The following TANC1 variants were observed in gnomAD, a reference collection of about 807,000 sequenced individuals.
The protein encoded by TANC1 is tetratricopeptide repeat, ankyrin repeat and coiled-coil containing 1, also known as protein TANC1.
TANC1 carries 77 observed loss-of-function variants against 149.7 expected under a neutral mutation model. That is an observed-to-expected ratio of 0.51 (90% CI 0.43 to 0.62). The LOEUF (loss-of-function observed/expected upper bound fraction) is 0.62. TANC1 is among the 20% of genes least tolerant of loss of function. TANC1 has a pLI of 0.00. For synonymous variants in TANC1, 854 were observed against 925.0 expected, an observed-to-expected ratio of 0.92 and a Z score of 1.39; for missense variants, 1,985 against 2,321.8, an observed-to-expected ratio of 0.85 and a Z score of 2.98.
chr2:159,088,080 G>A (rs1180942479), intron 3 of TANC1, among the ~76,000 whole-genome samples: 1 of 151,452 alleles, frequency 6.6e-6, no homozygotes, highest in Non-Finnish European at 1.5e-5. Flanking sequence ...GTTGGACTTG[G>A]AGCCTCCAGA....
intron 1 of TANC1, among the ~76,000 whole-genome samples, chr2:158,970,749 A>G (rs1323239464): frequency 6.6e-6 from 1 of 152,220 alleles, no homozygotes; most frequent in East Asian, 1.9e-4. Flanking sequence ...TGATTTGACA[A>G]TAAGAGATGG....
intron 12 of TANC1, among the ~76,000 whole-genome samples, 184 bp downstream of exon 12, chr2:159,175,368 A>C (rs1245851172): frequency 6.6e-6 from 1 of 152,122 alleles, no homozygotes; most frequent in African/African-American, 2.4e-5. Flanking sequence ...TCGCTCCTAC[A>C]CCACCCCTAT....
In TANC1 at chr2:159,009,171, TA is replaced by T. The variant is rs370765670; in HGVS notation, c.-16+7989del. Among the ~76,000 whole-genome samples, 1,021 of 152,056 alleles carry T rather than the reference TA, an allele frequency of 6.7e-3. 6 individuals carry two copies. Among genetic ancestry groups the T allele is most frequent in the African/African-American group, 0.023 (966 of 41,446 alleles). The stretch of plus-strand genomic sequence containing the variant: ...TGTACGTTAATTAGATGTGAGCCCA[TA>T]AAAAAATAAAAATAATTGAAAACAG... On this transcript the variant is annotated intron_variant, in intron 2 of 26. Coordinates refer to ENST00000263635, the MANE Select transcript of TANC1 (RefSeq NM_033394.3).
chr2:159,219,730 G>C lies in TANC1; in HGVS notation c.3541G>C (p.Ala1181Pro), dbSNP rs2059569564. The change falls in exon 22 of 27, where the codon GCA becomes CCA. Residue 1181 changes from alanine to proline, a missense_variant. This residue lies in a region of TANC1 where 920 missense variants were observed against 994.7 expected (regional missense o/e 0.92). Coordinates refer to ENST00000263635, the MANE Select transcript of TANC1 (RefSeq NM_033394.3). ...TTCTCTAGACAAAGAGGGTCTGTCA[G>C]CATTAAGCTGGGCTTGTCTGAAAGG... ...LSSLDKEGLS[A>P]LSWACLKGHR... 1 of 1,614,216 alleles carries C rather than the reference G, an allele frequency of 6.2e-7. No individual in the cohort carries two copies. The highest frequency in any genetic ancestry group is 8.5e-7 in the Non-Finnish European group (1 of 1,180,050).
intron 2 of TANC1, among the ~76,000 whole-genome samples, chr2:159,065,196 C>G (rs1559191740): frequency 6.6e-6 from 1 of 152,148 alleles, no homozygotes; most frequent in Non-Finnish European, 1.5e-5. Flanking sequence ...TTTACAAGCT[C>G]AGTACAACCC....
At chr2:159,169,988 T>C (rs868640137) in intron 9 of TANC1, among the ~76,000 whole-genome samples, 2 of 146,414 alleles carry the variant, frequency 1.4e-5, no homozygotes, top group African/African-American at 2.5e-5. Context: ...AGTGAAACTA[T>C]CTCAAAAAAA....
intron 2 of TANC1, among the ~76,000 whole-genome samples, chr2:159,057,066 T>A (rs563305337): frequency 6.6e-6 from 1 of 152,318 alleles, no homozygotes; most frequent in East Asian, 1.9e-4. Flanking sequence ...CAGCCTAGTT[T>A]GGATGATCAG....
chr2:159,192,806 C>T (rs1392885216), intron 16 of TANC1, among the ~76,000 whole-genome samples: 3 of 152,088 alleles, frequency 2.0e-5, no homozygotes, highest in African/African-American at 4.8e-5. Flanking sequence ...TGCGCCACCA[C>T]GCTGGCTAAT....
intron 7 of TANC1, among the ~76,000 whole-genome samples, chr2:159,152,695 G>A (rs1451515780): frequency 6.6e-6 from 1 of 152,006 alleles, no homozygotes. Context: ...TGTTACCCAG[G>A]CTGGTCTCAA....
chr2:159,047,140 G>C (rs1375238374), intron 2 of TANC1, among the ~76,000 whole-genome samples: 1 of 151,468 alleles, frequency 6.6e-6, no homozygotes, highest in East Asian at 1.9e-4. Context: ...TTTCTGCTTG[G>C]ATGACTCATA....
rs541097881 is a variant in TANC1 at position 159,034,217 on chromosome 2, C to T, written c.-15-31679C>T. Among the ~76,000 whole-genome samples, 385 of 152,340 alleles carry T rather than the reference C, an allele frequency of 2.5e-3. 1 individual carries two copies. Among genetic ancestry groups the T allele is most frequent in the Non-Finnish European group, 3.2e-3 (217 of 68,034 alleles). On this transcript the variant is annotated intron_variant, in intron 2 of 26. Transcript: ENST00000263635. The stretch of plus-strand genomic sequence containing the variant: ...TGGCCTAATCTGTCCCTCCTCCTGC[C>T]TTCTCCCTTGGGCCACACCTTGCAC...
intron 3 of TANC1, among the ~76,000 whole-genome samples, chr2:159,069,289 A>G (rs974943180): frequency 6.6e-6 from 1 of 152,186 alleles, no homozygotes; most frequent in Non-Finnish European, 1.5e-5. Context: ...AATGAGCACT[A>G]TATTTTTCTT....
chr2:159,228,432 T>TC, intron 25 of TANC1: 1 of 270,514 alleles, frequency 3.7e-6, no homozygotes, highest in Non-Finnish European at 7.0e-6. Context: ...TCCTACCTTT[T>TC]TTTTAACTGT....
At chr2:159,129,208 T>C (rs2049819205) in intron 4 of TANC1, among the ~76,000 whole-genome samples, 1 of 152,222 alleles carries the variant, frequency 6.6e-6, no homozygotes, top group Non-Finnish European at 1.5e-5. Context: ...TATAATTATC[T>C]TTAACCGAAA....
Position 159,150,472 on chromosome 2 carries a change from A to C in TANC1, c.598A>C (p.Ser200Arg), listed in dbSNP as rs201756049. 3.1e-5 allele frequency: 50 copies of C among 1,614,068 alleles called. No homozygotes were observed. Among genetic ancestry groups the C allele is most frequent in the Non-Finnish European group, 4.2e-5 (50 of 1,180,010 alleles). Residue 200 changes from serine to arginine, a missense_variant, in exon 7 of 27, where the codon AGC becomes CGC. Coordinates refer to ENST00000263635, the MANE Select transcript of TANC1 (RefSeq NM_033394.3). ...SPCSTLNSCV[S>R]KTAANKSPCE... ...CTGCTCAACCTTGAATAGCTGTGTC[A>C]GCAAGACGGCAGCCAACAAAAGTCC...
intron 1 of TANC1, among the ~76,000 whole-genome samples, chr2:158,983,656 A>G (rs1573956081): frequency 1.3e-5 from 2 of 152,200 alleles, no homozygotes; most frequent in East Asian, 3.9e-4. Flanking sequence ...TATGGTTTAG[A>G]ACAATACACT....
At chr2:159,047,978 A>C (rs1443153673) in intron 2 of TANC1, among the ~76,000 whole-genome samples, 2 of 152,232 alleles carry the variant, frequency 1.3e-5, no homozygotes, top group Non-Finnish European at 2.9e-5. Context: ...ATAGTCCTAC[A>C]AACTTGTCAT....
intron 14 of TANC1, among the ~76,000 whole-genome samples, chr2:159,181,964 G>T (rs951247853): frequency 3.9e-5 from 6 of 152,148 alleles, no homozygotes; most frequent in African/African-American, 1.4e-4. Context: ...ACTTTGGGAG[G>T]CAGAGATGGG....
chr2:159,005,866 A>T (rs1267441194), intron 2 of TANC1, among the ~76,000 whole-genome samples: 1 of 152,114 alleles, frequency 6.6e-6, no homozygotes, highest in Non-Finnish European at 1.5e-5. Context: ...TTGATGGCTT[A>T]CTTGGTTTTA....
Sources: gnomAD v4.1 joint callset for allele counts (sites outside exome capture counted in the v4.1 genomes callset) on GRCh38, gnomAD v4.1.1 for gene constraint, gnomAD v4.1.1 regional missense constraint, MANE v1.5 for transcripts, NCBI Gene and HGNC (gene_info 2026-07-23, HGNC 2026-07-21) for gene names.